Variants in PCDHA6 observed in about 807,000 individuals in gnomAD.
PCDHA6 encodes the protein protocadherin alpha-6.
A neutral mutation model predicts 60.3 loss-of-function variants in PCDHA6; 55 were observed. That is an observed-to-expected ratio of 0.91 (90% confidence interval 0.73 to 1.14). PCDHA6 has a LOEUF of 1.14. PCDHA6 is among the 50% of genes most tolerant of loss of function. PCDHA6 has a pLI of 0.00. For synonymous variants in PCDHA6, 652 were observed against 557.9 expected, an observed-to-expected ratio of 1.17 and a Z score of -2.38; for missense variants, 1,327 against 1,256.5, an observed-to-expected ratio of 1.06 and a Z score of -0.85.
chr5:140,895,885 C>T (rs2065231883), intron 1 of PCDHA6, among the ~76,000 whole-genome samples: 1 of 152,174 alleles, frequency 6.6e-6, no homozygotes, highest in South Asian at 2.1e-4. Context: ...GATCTCGGCT[C>T]ACTGCAACCT....
chr5:140,869,371 A>G (rs559164668), intron 1 of PCDHA6: 1 of 1,614,110 alleles, frequency 6.2e-7, no homozygotes, highest in East Asian at 2.2e-5. Flanking sequence ...GAATTCTCGG[A>G]TCGACCGCGA....
At chr5:140,941,210 T>TCTTC (rs1480454721) in intron 1 of PCDHA6, among the ~76,000 whole-genome samples, 3 of 100,630 alleles carry the variant, frequency 3.0e-5, no homozygotes, top group Non-Finnish European at 5.7e-5. Context: ...TTCCTTTCTT[T>TCTTC]CTTCCTTTCT....
chr5:140,908,307 C>T (rs782169692), intron 1 of PCDHA6, among the ~76,000 whole-genome samples: 43 of 152,180 alleles, frequency 2.8e-4, no homozygotes, highest in Non-Finnish European at 1.3e-4. Context: ...GAAGGAAGGG[C>T]GGCAGGAGTG....
intron 1 of PCDHA6, chr5:140,842,982 T>C (rs2150349122): frequency 6.3e-7 from 1 of 1,594,948 alleles, no homozygotes; most frequent in Non-Finnish European, 8.6e-7. Context: ...CTGCAGGTGT[T>C]CGTGCTGGAC....
intron 1 of PCDHA6, chr5:140,928,370 C>T (rs2085193734): frequency 6.2e-7 from 1 of 1,614,062 alleles, no homozygotes; most frequent in South Asian, 1.1e-5. Context: ...GAAGGGCCAT[C>T]AGCCTCTAGC....
At position 140,982,510 on chromosome 5, in the gene PCDHA6, C is replaced by T; in HGVS notation, c.2489C>T (p.Ala830Val). 6.2e-7 allele frequency: 1 copy of T among 1,614,170 alleles called. No homozygotes were observed. The highest frequency in any genetic ancestry group is 8.5e-7 in the Non-Finnish European group (1 of 1,180,020). The change falls in exon 3 of 4, where the codon GCT becomes GTT. Residue 830 changes from alanine to valine, a missense_variant. Ala to Val is a moderately conservative substitution (Grantham distance 64, BLOSUM62 0). Coordinates refer to ENST00000529310, the MANE Select transcript of PCDHA6 (RefSeq NM_018909.4). ...CTAGAGGAGGCTGGCATTCTACGGGCTGGTCCAGGAGGGCCTGATCAGCAG... is the reference window on the plus strand; with the variant it reads ...CTAGAGGAGGCTGGCATTCTACGGGTTGGTCCAGGAGGGCCTGATCAGCAG... ...VHLEEAGILR[A>V]GPGGPDQQWP...
intron 1 of PCDHA6, 66 bp from the exon 2 acceptor site, chr5:140,978,883 T>C: frequency 6.2e-7 from 1 of 1,611,182 alleles, no homozygotes; most frequent in Non-Finnish European, 8.5e-7. Flanking sequence ...ACTAATCAAT[T>C]AGCAGCATTC....
intron 3 of PCDHA6, among the ~76,000 whole-genome samples, chr5:140,990,735 C>T (rs1554251705): frequency 6.6e-6 from 1 of 152,112 alleles, no homozygotes; most frequent in African/African-American, 2.4e-5. Flanking sequence ...ATATCAACAG[C>T]CCTAGGGTGG....
intron 1 of PCDHA6, chr5:140,875,236 C>T: frequency 1.1e-6 from 1 of 889,228 alleles, no homozygotes. Context: ...CTTTCTTGTA[C>T]TTACATAATC....
At chr5:140,844,914 A>G (rs1779618781) in intron 1 of PCDHA6, among the ~76,000 whole-genome samples, 1 of 149,422 alleles carries the variant, frequency 6.7e-6, no homozygotes, top group African/African-American at 2.5e-5. Context: ...AATGGTAGAA[A>G]TTGATGGAAG....
chr5:140,905,957 G>A (rs993962295), intron 1 of PCDHA6, among the ~76,000 whole-genome samples: 1 of 152,200 alleles, frequency 6.6e-6, no homozygotes, highest in South Asian at 2.1e-4. Context: ...CGATGTTCAA[G>A]GGGAGGAAGA....
At chr5:140,933,458 C>G (rs1040429377) in intron 1 of PCDHA6, among the ~76,000 whole-genome samples, 2 of 151,968 alleles carry the variant, frequency 1.3e-5, no homozygotes, top group Non-Finnish European at 2.9e-5. Flanking sequence ...TCAAAATATA[C>G]TCTGAATTCA....
intron 1 of PCDHA6, among the ~76,000 whole-genome samples, chr5:140,832,783 G>T (rs1772149172): frequency 6.6e-6 from 1 of 152,148 alleles, no homozygotes; most frequent in Non-Finnish European, 1.5e-5. Flanking sequence ...GTGCTAGAAA[G>T]GTACATCATA....
At chr5:140,926,986 C>T (rs782199565) in intron 1 of PCDHA6, 1 of 1,610,712 alleles carries the variant, frequency 6.2e-7, no homozygotes, top group Non-Finnish European at 8.5e-7. Flanking sequence ...GGAGACGGAG[C>T]GGGGCGTAGC....
intron 1 of PCDHA6, among the ~76,000 whole-genome samples, chr5:140,937,106 C>G (rs2091337574): frequency 6.7e-6 from 1 of 149,110 alleles, no homozygotes; most frequent in African/African-American, 2.5e-5. Context: ...GGCGCAGTCT[C>G]GGCTCACTGC....
rs1162515573 is a variant in PCDHA6, at chr5:140,941,250, T to C, written c.2395-37699T>C. 3.6e-5 allele frequency among the ~76,000 whole-genome samples: 5 copies of C among 139,366 alleles called. No homozygotes were observed. In the East Asian group the frequency reaches 1.0e-3, roughly 29 times the overall value. 91.4% of individuals were successfully genotyped at this position (139,366 alleles called of 152,430 possible). A position where few individuals can be genotyped will look rare whatever the true frequency, so the allele number is the denominator to read the frequency against. ...TTCTTTCTTTCTTTCTTTCTTTCTT[T>C]CTTTCTCTTTCTTTCTTTCTTTCCT... is the stretch of plus-strand genomic sequence containing the variant. On this transcript the variant is annotated intron_variant, in intron 1 of 3. Coordinates refer to ENST00000529310, the MANE Select transcript of PCDHA6 (RefSeq NM_018909.4).
intron 1 of PCDHA6, chr5:140,877,674 G>A: frequency 1.9e-6 from 3 of 1,613,628 alleles, no homozygotes; most frequent in South Asian, 1.1e-5. Flanking sequence ...GGTGCGCGCC[G>A]GGCAAGCCCA....
At chr5:140,899,494 T>C (rs1387191802) in intron 1 of PCDHA6, among the ~76,000 whole-genome samples, 3 of 152,250 alleles carry the variant, frequency 2.0e-5, no homozygotes, top group Admixed American at 2.0e-4. Flanking sequence ...GGATTACATT[T>C]ATTGATTTGC....
chr5:140,970,286 C>A (rs2096395973), intron 1 of PCDHA6, among the ~76,000 whole-genome samples: 2 of 152,174 alleles, frequency 1.3e-5, no homozygotes, highest in Admixed American at 6.5e-5. Context: ...GTAGCCTTTT[C>A]AAGTCCTTCA....
Sources: gnomAD v4.1 joint callset for allele counts (sites outside exome capture counted in the v4.1 genomes callset) on GRCh38, gnomAD v4.1.1 for gene constraint, MANE v1.5 for transcripts, NCBI Gene and HGNC (gene_info 2026-07-23, HGNC 2026-07-21) for gene names.